FAM234B: variants seen among roughly 807,000 people sequenced by gnomAD.
The protein encoded by FAM234B is family with sequence similarity 234 member B.
Under a neutral mutation model 69.3 loss-of-function variants are expected in FAM234B, and 33 were observed. That is an observed-to-expected ratio of 0.48 (90% CI 0.36 to 0.64). The LOEUF is 0.64. Ranked by LOEUF, FAM234B falls within the 30% of genes least tolerant of loss-of-function variation. The probability of loss-of-function intolerance (pLI) is 0.00; values close to 1 mark genes in which losing one functional copy is unlikely to be tolerated. For missense variants in FAM234B, 697 were observed against 769.7 expected, an observed-to-expected ratio of 0.91 and a Z score of 1.12; for synonymous variants, 306 against 306.9, an observed-to-expected ratio of 1.00 and a Z score of 0.03.
rs1356766539 is a variant in FAM234B at position 13,061,642 on chromosome 12, T to A, written c.600T>A (p.Ser200Arg). 1 of 1,614,108 alleles carries A rather than the reference T, an allele frequency of 6.2e-7. No individual in the cohort carries two copies. Among genetic ancestry groups the A allele is most frequent in the East Asian group, 2.2e-5 (1 of 44,884 alleles). Residue 200 changes from serine to arginine, a missense_variant, in exon 4 of 13, where the codon AGT (serine) becomes AGA (arginine). Physicochemically the swap from Ser to Arg is moderately radical, Grantham distance 110. Coordinates refer to ENST00000197268, the MANE Select transcript of FAM234B (RefSeq NM_020853.2). ...SGMNGSTLWS[S>R]LLPEEARDIT... ...TGAATGGCAGCACACTGTGGTCTAG[T>A]CTTCTCCCTGAGGAGGCTCGAGATA...
chr12:13,061,626 G>C lies in FAM234B; in HGVS notation c.584G>C (p.Ser195Thr), dbSNP rs773977376. 21 of 1,613,790 alleles carry C rather than the reference G, an allele frequency of 1.3e-5. No individual in the cohort carries two copies. Among genetic ancestry groups the C allele is most frequent in the Middle Eastern group, 1.6e-4 (1 of 6,082 alleles). ...GTATGCCTTTCGGGGATGAATGGCA[G>C]CACACTGTGGTCTAGTCTTCTCCCT... ...NLVCLSGMNGSTLWSSLLPEE... is the reference protein window; with the variant it reads ...NLVCLSGMNGTTLWSSLLPEE... Residue 195 changes from serine to threonine, a missense_variant, in exon 4 of 13, where the codon AGC becomes ACC. By Grantham distance (58) the Ser-to-Thr change is moderately conservative. Transcript: ENST00000197268.
rs1220515210 is a variant in FAM234B, at chr12:13,055,918, C to T, written c.405C>T (p.Thr135=). 3 of 1,575,160 alleles carry T rather than the reference C, an allele frequency of 1.9e-6. No individual in the cohort carries two copies. Among genetic ancestry groups the T allele is most frequent in the Admixed American group, 1.8e-5 (1 of 55,314 alleles). The change falls in exon 2 of 13, where the codon ACC becomes ACT. Residue 135 remains threonine (T), a synonymous_variant. Coordinates refer to ENST00000197268, the MANE Select transcript of FAM234B (RefSeq NM_020853.2). ...IPCPPRDLHS[T]WSRHLGSQGG... is the part of the protein sequence containing the mutation. ...GTCCTCCCAGAGATCTGCACAGCAC[C>T]TGGAGCCGCCACTTGGGCTCCCAGG...
chr12:13,062,761 T>C, intron 4 of FAM234B, 84 bp from the exon 5 acceptor site: 1 of 1,493,164 alleles, frequency 6.7e-7, no homozygotes, highest in South Asian at 1.3e-5. Context: ...CTTGCGTCTT[T>C]CTTTTCTGGC....
rs1864982911 is a variant in FAM234B at position 13,061,612 on chromosome 12, G to T, written c.570G>T (p.Ser190=). Residue 190 remains serine, a synonymous_variant, in exon 4 of 13, where the codon TCG becomes TCT. Coordinates refer to ENST00000197268, the MANE Select transcript of FAM234B (RefSeq NM_020853.2). ...SRPAANLVCL[S]GMNGSTLWSS... is the part of the protein sequence containing the mutation. ...CAGCTGCTAATCTTGTATGCCTTTC[G>T]GGGATGAATGGCAGCACACTGTGGT... The T allele has an allele frequency of 6.2e-7, 1 of 1,613,400 alleles. No individual in the cohort carries two copies. Among genetic ancestry groups the T allele is most frequent in the Non-Finnish European group, 8.5e-7 (1 of 1,179,770 alleles).
Position 13,058,483 on chromosome 12 carries a change from G to T in FAM234B, c.466G>T (p.Val156Leu). ...CCTGTCTCCATTGGAATTGGCTGAT[G>T]TGAATGGAGATGGCCTGCGTGATGT... ...GDLSPLELAD[V>L]NGDGLRDVLL... Residue 156 changes from valine (V) to leucine (L), a missense_variant, in exon 3 of 13, where the codon GTG (valine) becomes TTG (leucine). Val to Leu is a conservative substitution (Grantham distance 32). Around this residue, in one of 3 missense-constraint regions of FAM234B, gnomAD observed 380 missense variants for 447.1 expected, o/e 0.85. Transcript: ENST00000197268. 1 of 1,614,100 alleles carries T rather than the reference G, an allele frequency of 6.2e-7. No homozygotes were observed. The highest frequency in any genetic ancestry group is 8.5e-7 in the Non-Finnish European group (1 of 1,179,976).
chr12:13,077,523 T>C (rs1401598621), intron 11 of FAM234B, among the ~76,000 whole-genome samples: 1 of 150,888 alleles, frequency 6.6e-6, no homozygotes, highest in Non-Finnish European at 1.5e-5. Flanking sequence ...CATGCGGTGT[T>C]TGGTTTTTTG....
intron 1 of FAM234B, 50 bp from the exon 2 acceptor site, chr12:13,055,501 G>A (rs1591596658): frequency 6.7e-7 from 1 of 1,486,610 alleles, no homozygotes; most frequent in Non-Finnish European, 9.0e-7. Flanking sequence ...ATTTGGTGAG[G>A]GTGTCTTCTC....
At position 13,080,901 on chromosome 12, in the gene FAM234B, A is replaced by G; in HGVS notation, c.*271A>G. On this transcript the variant is annotated 3_prime_UTR_variant, in exon 13 of 13. Transcript: ENST00000197268. ...GTTTGGAAATGTGAATCTCTTAAGT[A>G]TTTAATTTTTTTGGTATGTCTAATT... is the stretch of plus-strand genomic sequence containing the variant. 1 of 381,788 alleles carries G rather than the reference A, an allele frequency of 2.6e-6. No individual in the cohort carries two copies. The allele number at this position is 381,788 out of a possible 1,614,324, so 23.7% of individuals were successfully genotyped here.
rs1285226473 is a variant in FAM234B at position 13,071,404 on chromosome 12, AG to A, written c.1524+9del. On this transcript the variant is annotated intron_variant, in intron 10 of 12. Transcript: ENST00000197268. ...GCTGCATCTCCCAATTCCGTGAGTG[AG>A]CCTGGGAGGGTCCCTTTTTTACTTT... is the stretch of plus-strand genomic sequence containing the variant. The A allele has an allele frequency of 1.2e-6, 2 of 1,613,252 alleles. No homozygotes were observed. Among genetic ancestry groups the A allele is most frequent in the Non-Finnish European group, 1.7e-6 (2 of 1,179,552 alleles).
intron 1 of FAM234B, among the ~76,000 whole-genome samples, chr12:13,045,274 G>C (rs2120430988): frequency 6.7e-6 from 1 of 149,130 alleles, no homozygotes; most frequent in South Asian, 2.1e-4. Flanking sequence ...CTGTTAGAAA[G>C]TTGATATTTA....
At chr12:13,057,771 G>A (rs1196963603) in intron 2 of FAM234B, among the ~76,000 whole-genome samples, 1 of 152,204 alleles carries the variant, frequency 6.6e-6, no homozygotes, top group Non-Finnish European at 1.5e-5. Context: ...CCACCCCCGT[G>A]GAGAGGAGGG....
At chr12:13,066,187 C>G (rs536305999) in intron 5 of FAM234B, among the ~76,000 whole-genome samples, 2 of 152,318 alleles carry the variant, frequency 1.3e-5, no homozygotes, top group South Asian at 4.1e-4. Flanking sequence ...TTGCTGTTCT[C>G]TCTTTGAGAA....
In FAM234B at chr12:13,044,692, A is replaced by G. The variant is rs1864786078; in HGVS notation, c.37+252A>G. 6.6e-6 allele frequency among the ~76,000 whole-genome samples: 1 copy of G among 152,202 alleles called. No individual in the cohort carries two copies. Among genetic ancestry groups the G allele is most frequent in the South Asian group, 2.1e-4 (1 of 4,834 alleles). On this transcript the variant is annotated intron_variant, in intron 1 of 12. Transcript: ENST00000197268. The surrounding 1 kb of genome is among the most constrained non-coding windows in gnomAD (Gnocchi z 5.6). ...GACGCGCGGGGAGAGGGCGCCGAGCAGGTGTTACGGCGGGGAATGTCAGAA... is the reference window on the plus strand; with the variant it reads ...GACGCGCGGGGAGAGGGCGCCGAGCGGGTGTTACGGCGGGGAATGTCAGAA...
At chr12:13,078,046 T>G (rs1373382194) in intron 11 of FAM234B, among the ~76,000 whole-genome samples, 1 of 151,260 alleles carries the variant, frequency 6.6e-6, no homozygotes, top group Non-Finnish European at 1.5e-5. Flanking sequence ...TTCATGTGTT[T>G]TTTGGCTGCA....
At chr12:13,072,435 A>G (rs755780298) in intron 10 of FAM234B, among the ~76,000 whole-genome samples, 30 of 152,180 alleles carry the variant, frequency 2.0e-4, no homozygotes, top group Non-Finnish European at 4.3e-4. Flanking sequence ...TTAAAATATA[A>G]AAATAAAAAA....
At chr12:13,070,787 A>T (rs185328539) in intron 9 of FAM234B, among the ~76,000 whole-genome samples, 33 of 152,160 alleles carry the variant, frequency 2.2e-4, no homozygotes, top group African/African-American at 7.5e-4. Context: ...ACCGTGCCCC[A>T]GGACAGTGTT....
rs915967322 is a variant in FAM234B at position 13,080,794 on chromosome 12, G to A, written c.*164G>A. 2.7e-5 allele frequency: 15 copies of A among 565,744 alleles called. No homozygotes were observed. The African/African-American group carries it at 2.9e-4, about 11-fold the overall frequency. The allele number at this position is 565,744 out of a possible 1,614,324, so 35.0% of individuals were successfully genotyped here. A position where few individuals can be genotyped will look rare whatever the true frequency, so the allele number is the denominator to read the frequency against. Reference sequence around the variant, plus strand: ...GGAAGGCATGTTGGAGTCTTTGACGGCAGCATGATCTATTTGGCTGGGGCA... The same window carrying A: ...GGAAGGCATGTTGGAGTCTTTGACGACAGCATGATCTATTTGGCTGGGGCA... On this transcript the variant is annotated 3_prime_UTR_variant, in exon 13 of 13. Coordinates refer to ENST00000197268, the MANE Select transcript of FAM234B (RefSeq NM_020853.2).
chr12:13,048,342 C>T (rs1398498914), intron 1 of FAM234B, among the ~76,000 whole-genome samples: 1 of 152,212 alleles, frequency 6.6e-6, no homozygotes, highest in Non-Finnish European at 1.5e-5. Flanking sequence ...AGGATTCCTT[C>T]TTTGTCCTTG....
intron 1 of FAM234B, among the ~76,000 whole-genome samples, chr12:13,052,586 T>G (rs1565506725): frequency 6.6e-6 from 1 of 152,182 alleles, no homozygotes; most frequent in Non-Finnish European, 1.5e-5. Flanking sequence ...ACTTACTCAG[T>G]AACAACTTTT....
Sources: gnomAD v4.1 joint callset for allele counts (sites outside exome capture counted in the v4.1 genomes callset) on GRCh38, gnomAD v4.1.1 for gene constraint, gnomAD v4.1.1 regional missense constraint, Gnocchi (gnomAD v3.1) non-coding constraint, MANE v1.5 for transcripts, NCBI Gene and HGNC (gene_info 2026-07-23, HGNC 2026-07-21) for gene names.